BIRC6: variants seen among roughly 807,000 people sequenced by gnomAD.
The protein encoded by BIRC6 is baculoviral IAP repeat containing 6.
In BIRC6, 98 loss-of-function variants were observed where a neutral mutation model predicts 503.3. The observed-to-expected ratio is 0.19, with a 90% CI of 0.17 to 0.23. The LOEUF is 0.23. BIRC6 is among the 10% of genes least tolerant of loss of function. The pLI is 1.00. For synonymous variants in BIRC6, 2,240 were observed against 2,078.7 expected (o/e 1.08, Z -2.11); for missense variants, 5,360 against 5,806.0 (o/e 0.92, Z 2.50).
At chr2:32,390,616 G>A (rs2149544872) in intron 4 of BIRC6, among the ~76,000 whole-genome samples, 1 of 152,302 alleles carries the variant, frequency 6.6e-6, no homozygotes, top group South Asian at 2.1e-4. Context: ...GTGCCCAGCT[G>A]TAGTATTTAT....
chr2:32,394,831 G>A (rs1402269935), intron 5 of BIRC6, among the ~76,000 whole-genome samples: 1 of 151,948 alleles, frequency 6.6e-6, no homozygotes, highest in Non-Finnish European at 1.5e-5. Flanking sequence ...AAAAGAGAAA[G>A]TTTTAAAGAG....
chr2:32,427,405 C>T (rs1311363799), intron 10 of BIRC6, among the ~76,000 whole-genome samples: 3 of 152,120 alleles, frequency 2.0e-5, no homozygotes, highest in African/African-American at 7.2e-5. Context: ...TCCTCAGCCT[C>T]CTGAGTAGCT....
chr2:32,471,098 C>G lies in BIRC6; in HGVS notation c.6566C>G (p.Ala2189Gly), dbSNP rs1416566607. ...TATGTGGCAACTGTTGAAGATGAAG[C>G]AGCAGCTGCAAAGAAACCTTTGAAT... ...LDYVATVEDE[A>G]AAAKKPLNGN... Residue 2189 changes from alanine (A) to glycine (G), a missense_variant, in exon 32 of 74, where the codon GCA (alanine) becomes GGA (glycine). By Grantham distance (60) the Ala-to-Gly change is moderately conservative (BLOSUM62 0). Coordinates refer to ENST00000421745, the MANE Select transcript of BIRC6 (RefSeq NM_016252.4). 5 of 1,576,674 alleles carry G rather than the reference C, an allele frequency of 3.2e-6. No homozygotes were observed. The highest frequency in any genetic ancestry group is 4.3e-6 in the Non-Finnish European group (5 of 1,159,058).
chr2:32,489,996 C>T, intron 42 of BIRC6, 45 bp from the exon 43 acceptor site: 2 of 1,325,100 alleles, frequency 1.5e-6, no homozygotes, highest in African/African-American at 2.9e-5. Context: ...TCTTCATAAA[C>T]ATTGTTTTTC....
chr2:32,539,652 T>TAG (rs2057506204), intron 61 of BIRC6, among the ~76,000 whole-genome samples: 1 of 152,148 alleles, frequency 6.6e-6, no homozygotes, highest in African/African-American at 2.4e-5. Flanking sequence ...ACATGGGATA[T>TAG]AGCTACAGCA....
intron 65 of BIRC6, 137 bp from the exon 66 acceptor site, chr2:32,575,019 A>G: frequency 1.2e-6 from 1 of 860,268 alleles, no homozygotes; most frequent in East Asian, 2.5e-5. Context: ...AAGTACTGAG[A>G]TTACAGGCCT....
In BIRC6 at chr2:32,441,307, CATT is replaced by C; in HGVS notation, c.3811-15_3811-13del. On this transcript the variant is annotated intron_variant, in intron 16 of 73. Coordinates refer to ENST00000421745, the MANE Select transcript of BIRC6 (RefSeq NM_016252.4). ...TTAGTTTAGTTTATTTTTTAAAATT[CATT>C]ATTATTTGTAATGTTTAGGAAAAAT... 1 of 1,399,642 alleles carries C rather than the reference CATT, an allele frequency of 7.1e-7. No individual in the cohort carries two copies. The highest frequency in any genetic ancestry group is 9.7e-7 in the Non-Finnish European group (1 of 1,029,492). The allele number at this position is 1,399,642 out of a possible 1,614,324, so 86.7% of individuals were successfully genotyped here. A position where few individuals can be genotyped will look rare whatever the true frequency, so the allele number is the denominator to read the frequency against.
At chr2:32,380,423 A>C (rs1007494239) in intron 3 of BIRC6, 133 bp downstream of exon 3, 3 of 1,240,414 alleles carry the variant, frequency 2.4e-6, no homozygotes, top group Non-Finnish European at 3.2e-6. Flanking sequence ...GAATGTGCTT[A>C]TAAGTCATCT....
At chr2:32,435,450 C>T in intron 13 of BIRC6, 46 bp from the exon 14 acceptor site, 2 of 1,495,076 alleles carry the variant, frequency 1.3e-6, no homozygotes, top group Non-Finnish European at 1.8e-6. Flanking sequence ...TTTTTATCCT[C>T]TAGAAACAGC....
intron 23 of BIRC6, among the ~76,000 whole-genome samples, chr2:32,460,998 C>T (rs867864062): frequency 0.012 from 1,106 of 88,728 alleles, 35 homozygotes; most frequent in Non-Finnish European, 0.019. Flanking sequence ...CTCTGCTCTG[C>T]TCTCTTCTCT....
rs762451127 is a variant in BIRC6 at position 32,513,574 on chromosome 2, G to A, written c.10568+420G>A. On this transcript the variant is annotated intron_variant, in intron 54 of 73. Coordinates refer to ENST00000421745, the MANE Select transcript of BIRC6 (RefSeq NM_016252.4). The stretch of plus-strand genomic sequence containing the variant: ...AAGATCGCTTGAGTCAGGAGTTCAA[G>A]ACCAGCTTGGGCAACATGCAAAACG... Among the ~76,000 whole-genome samples, 118 of 152,026 alleles carry A rather than the reference G, an allele frequency of 7.8e-4. 1 individual carries two copies. Among genetic ancestry groups the A allele is most frequent in the Non-Finnish European group, 7.5e-4 (51 of 67,988 alleles).
In BIRC6 at chr2:32,415,802, G is replaced by A; in HGVS notation, c.2511G>A (p.Val837=). 1 of 1,613,666 alleles carries A rather than the reference G, an allele frequency of 6.2e-7. No homozygotes were observed. Among genetic ancestry groups the A allele is most frequent in the Non-Finnish European group, 8.5e-7 (1 of 1,179,832 alleles). ...AAATGAATTATGCCACTCGGATAGT[G>A]ACTTTAGAAGAGGAGCCAATAAAAA... ...LYKMNYATRI[V]TLEEEPIKIQ... is the part of the protein sequence containing the mutation. The change falls in exon 10 of 74, where the codon GTG becomes GTA. Residue 837 remains valine (V), a synonymous_variant. Transcript: ENST00000421745.
At chr2:32,369,941 AAAAAATATATATATATATATATAT>A (rs1350123913) in intron 1 of BIRC6, among the ~76,000 whole-genome samples, 2 of 46,042 alleles carry the variant, frequency 4.3e-5, no homozygotes, top group African/African-American at 1.4e-4. Flanking sequence ...AAAAAAAAAA[AAAAAATATATATATATATATATAT>A]ATATATATAT....
intron 30 of BIRC6, 135 bp from the exon 31 acceptor site, chr2:32,470,033 C>A: frequency 1.3e-6 from 1 of 766,996 alleles, no homozygotes; most frequent in Non-Finnish European, 1.8e-6. Context: ...CTTGCTTTCC[C>A]AGTCTGAAAT....
chr2:32,506,011 T>C (rs2053759287), intron 50 of BIRC6, among the ~76,000 whole-genome samples: 1 of 152,014 alleles, frequency 6.6e-6, no homozygotes, highest in Non-Finnish European at 1.5e-5. Flanking sequence ...CATGCCTGGC[T>C]AAATTTTTGT....
At chr2:32,426,965 C>T (rs1300798942) in intron 10 of BIRC6, among the ~76,000 whole-genome samples, 2 of 152,158 alleles carry the variant, frequency 1.3e-5, no homozygotes, top group Admixed American at 1.3e-4. Context: ...CCTCTGGTCT[C>T]CATTGTTTCT....
chr2:32,463,327 A>T lies in BIRC6; in HGVS notation c.4887A>T (p.Gln1629His). The T allele has an allele frequency of 6.2e-7, 1 of 1,613,846 alleles. No individual in the cohort carries two copies. Among genetic ancestry groups the T allele is most frequent in the Non-Finnish European group, 8.5e-7 (1 of 1,179,798 alleles). Residue 1629 changes from glutamine (Q) to histidine (H), a missense_variant, in exon 24 of 74, where the codon CAA (glutamine) becomes CAT (histidine). Physicochemically the swap from Gln to His is conservative, Grantham distance 24. Around this residue, in one of 16 missense-constraint regions of BIRC6, gnomAD observed 2,299 missense variants for 2,267.2 expected, o/e 1.01. Transcript: ENST00000421745. Reference sequence around the variant, plus strand: ...CTCATGCAATGGCTTCAGCCGAGCAACAGCTACAGGTGCTGCAAGAGAAAC... The same window carrying T: ...CTCATGCAATGGCTTCAGCCGAGCATCAGCTACAGGTGCTGCAAGAGAAAC... ...SLSHAMASAE[Q>H]QLQVLQEKQQ...
At chr2:32,562,873 C>A (rs2059290969) in intron 65 of BIRC6, among the ~76,000 whole-genome samples, 1 of 151,962 alleles carries the variant, frequency 6.6e-6, no homozygotes, top group South Asian at 2.1e-4. Flanking sequence ...CTTTTTTTGG[C>A]ATTTATGAAT....
Position 32,559,911 on chromosome 2 carries a change from A to G in BIRC6, c.13144+10430A>G, listed in dbSNP as rs1352677999. On this transcript the variant is annotated intron_variant, in intron 65 of 73. Coordinates refer to ENST00000421745, the MANE Select transcript of BIRC6 (RefSeq NM_016252.4). ...GGTGCCTGTTATCCCAGCTGCTTGGAAGGCTGAGGCAGGAGAATTGCCTGA... is the reference window on the plus strand; with the variant it reads ...GGTGCCTGTTATCCCAGCTGCTTGGGAGGCTGAGGCAGGAGAATTGCCTGA... 4.6e-5 allele frequency among the ~76,000 whole-genome samples: 7 copies of G among 151,602 alleles called. No individual in the cohort carries two copies. The South Asian group carries it at 1.5e-3, about 32-fold the overall frequency.
Sources: allele counts gnomAD v4.1 joint callset (sites outside exome capture counted in the v4.1 genomes callset), GRCh38; gene constraint gnomAD v4.1.1; regional missense constraint gnomAD v4.1.1; transcripts MANE v1.5; gene names NCBI Gene and HGNC (gene_info 2026-07-23, HGNC 2026-07-21).